PRDM16: variants seen among roughly 807,000 people sequenced by gnomAD.
PRDM16 encodes PR/SET domain 16.
PRDM16 carries 23 observed loss-of-function variants against 110.6 expected under a neutral mutation model. That is an observed-to-expected ratio of 0.21 (90% CI 0.15 to 0.29). The LOEUF is 0.29. Among genes scored for constraint, PRDM16 ranks in the 10% least tolerant of loss-of-function variants. PRDM16 has a pLI of 1.00. For missense variants in PRDM16, 1,615 were observed against 1,794.3 expected (o/e 0.90, Z 1.81); for synonymous variants, 799 against 781.8 (o/e 1.02, Z -0.37).
chr1:3,352,126 G>A (rs116707127), intron 3 of PRDM16, among the ~76,000 whole-genome samples: 124 of 152,246 alleles, frequency 8.1e-4, no homozygotes, highest in African/African-American at 2.8e-3. Flanking sequence ...CTGGCACACC[G>A]GTGCATGGTC....
intron 1 of PRDM16, among the ~76,000 whole-genome samples, chr1:3,086,137 C>T (rs1642145927): frequency 7.1e-6 from 1 of 141,184 alleles, no homozygotes; most frequent in Non-Finnish European, 1.6e-5. Context: ...TCTGTCTACA[C>T]ACTCCAGGTC....
In PRDM16 at chr1:3,081,894, G is replaced by A. The variant is rs1642037509; in HGVS notation, c.37+12598G>A. ...ATCCCTAGCTCCCCTCACAGACCCAGAGGCAGAGGCCTTCAGGGCCAGCAG... is the reference window on the plus strand; with the variant it reads ...ATCCCTAGCTCCCCTCACAGACCCAAAGGCAGAGGCCTTCAGGGCCAGCAG... On this transcript the variant is annotated intron_variant, in intron 1 of 16. Coordinates refer to ENST00000270722, the MANE Select transcript of PRDM16 (RefSeq NM_022114.4). The surrounding 1 kb of genome is among the most constrained non-coding windows in gnomAD (Gnocchi z 4.6). Among the ~76,000 whole-genome samples the A allele has an allele frequency of 6.6e-6, 1 of 152,206 alleles. No homozygotes were observed. The highest frequency in any genetic ancestry group is 2.4e-5 in the African/African-American group (1 of 41,462).
intron 3 of PRDM16, among the ~76,000 whole-genome samples, chr1:3,263,030 G>A (rs868562841): frequency 6.6e-6 from 1 of 152,124 alleles, no homozygotes. Flanking sequence ...ATGAGGCATC[G>A]CAGGGGCACC....
chr1:3,412,723 G>A lies in PRDM16; in HGVS notation c.2526G>A (p.Val842=). 3.3e-6 allele frequency: 5 copies of A among 1,505,770 alleles called. No individual in the cohort carries two copies. The highest frequency in any genetic ancestry group is 1.3e-5 in the South Asian group (1 of 77,114). 93.3% of individuals were successfully genotyped at this position (1,505,770 alleles called of 1,614,324 possible). A position where few individuals can be genotyped will look rare whatever the true frequency, so the allele number is the denominator to read the frequency against. The change falls in exon 9 of 17, where the codon GTG becomes GTA. Residue 842 remains valine, a synonymous_variant. Transcript: ENST00000270722. ...GCGCCGGCGAGGGGCTGCCCCAGGT[G>A]TGCCCGGCGCGGATGCCCCAGCAGC... ...KLGAGEGLPQ[V]CPARMPQQPP... is the part of the protein sequence containing the mutation.
In PRDM16 at chr1:3,391,643, T is replaced by C. The variant is rs962665921; in HGVS notation, c.574-4848T>C. On this transcript the variant is annotated intron_variant, in intron 4 of 16. Coordinates refer to ENST00000270722, the MANE Select transcript of PRDM16 (RefSeq NM_022114.4). ...TCGCACACCACACAATAATAAAACTTAGGCTTAATAAAAATGCTTCAGCTA... is the reference window on the plus strand; with the variant it reads ...TCGCACACCACACAATAATAAAACTCAGGCTTAATAAAAATGCTTCAGCTA... Among the ~76,000 whole-genome samples the C allele has an allele frequency of 3.9e-5, 6 of 152,316 alleles. No homozygotes were observed. In the East Asian group the frequency reaches 7.7e-4, roughly 20 times the overall value.
intron 3 of PRDM16, among the ~76,000 whole-genome samples, chr1:3,329,370 C>G (rs1641994741): frequency 6.6e-6 from 1 of 152,192 alleles, no homozygotes; most frequent in Non-Finnish European, 1.5e-5. Context: ...CACCACCCCC[C>G]ACCCCTTCCC....
intron 3 of PRDM16, among the ~76,000 whole-genome samples, chr1:3,249,064 A>G (rs115939244): frequency 0.078 from 11,840 of 152,314 alleles, 595 homozygotes; most frequent in Middle Eastern, 0.17. Context: ...GCAGTTTGTG[A>G]GCAGGATATA....
At chr1:3,279,361 G>A (rs1255412862) in intron 3 of PRDM16, among the ~76,000 whole-genome samples, 1 of 152,118 alleles carries the variant, frequency 6.6e-6, no homozygotes, top group Non-Finnish European at 1.5e-5. Flanking sequence ...GAGAGGAAGG[G>A]CGGGCCCTCG....
In PRDM16 at chr1:3,339,262, C is replaced by T. The variant is rs1272434150; in HGVS notation, c.439-45890C>T. Among the ~76,000 whole-genome samples, 2 of 152,068 alleles carry T rather than the reference C, an allele frequency of 1.3e-5. No homozygotes were observed. The highest frequency in any genetic ancestry group is 6.5e-5 in the Admixed American group (1 of 15,276). ...CGAGGGAGACAGCTCACCCACCCACCACAGTACCATCAAAGACAGACGTCC... is the reference window on the plus strand; with the variant it reads ...CGAGGGAGACAGCTCACCCACCCACTACAGTACCATCAAAGACAGACGTCC... On this transcript the variant is annotated intron_variant, in intron 3 of 16. Transcript: ENST00000270722. This position sits in a 1 kb window ranked among gnomAD's most constrained non-coding sequence, Gnocchi z 5.0.
In PRDM16 at chr1:3,081,761, C is replaced by A. The variant is rs970069538; in HGVS notation, c.37+12465C>A. The stretch of plus-strand genomic sequence containing the variant: ...GGCCACAGGGCACGTGGGAGGCCCC[C>A]ATGGAAGGCCCGTGTTGGGGGACCT... On this transcript the variant is annotated intron_variant, in intron 1 of 16. Transcript: ENST00000270722. This position sits in a 1 kb window ranked among gnomAD's most constrained non-coding sequence, Gnocchi z 4.6. 6.6e-6 allele frequency among the ~76,000 whole-genome samples: 1 copy of A among 152,048 alleles called. No individual in the cohort carries two copies. Among genetic ancestry groups the A allele is most frequent in the Non-Finnish European group, 1.5e-5 (1 of 67,990 alleles).
chr1:3,078,197 C>T (rs1641941718), intron 1 of PRDM16, among the ~76,000 whole-genome samples: 1 of 152,178 alleles, frequency 6.6e-6, no homozygotes, highest in Non-Finnish European at 1.5e-5. Context: ...TGGTGGGATT[C>T]CTGTGTGCCG....
intron 3 of PRDM16, among the ~76,000 whole-genome samples, chr1:3,301,031 A>C (rs981277122): frequency 3.9e-5 from 6 of 152,190 alleles, no homozygotes; most frequent in Non-Finnish European, 5.9e-5. Flanking sequence ...ACATGAAGTG[A>C]GGTTCAAGAA....
At chr1:3,233,038 G>A (rs1428241027) in intron 2 of PRDM16, among the ~76,000 whole-genome samples, 1 of 152,210 alleles carries the variant, frequency 6.6e-6, no homozygotes, top group Non-Finnish European at 1.5e-5. Flanking sequence ...ACTAAAAAGG[G>A]TTGAGATAAA....
chr1:3,257,736 G>A (rs992744565), intron 3 of PRDM16, among the ~76,000 whole-genome samples: 5 of 152,134 alleles, frequency 3.3e-5, no homozygotes, highest in African/African-American at 7.2e-5. Flanking sequence ...GCAGGCTGGC[G>A]TTTGAAGACA....
At chr1:3,316,287 G>A (rs959133742) in intron 3 of PRDM16, among the ~76,000 whole-genome samples, 2 of 143,002 alleles carry the variant, frequency 1.4e-5, no homozygotes, top group Admixed American at 6.9e-5. Context: ...GGTGGGGGTG[G>A]GGGTGGGGGT....
In PRDM16 at chr1:3,280,771, G is replaced by A. The variant is rs555995526; in HGVS notation, c.438+36634G>A. Among the ~76,000 whole-genome samples, 8 of 152,360 alleles carry A rather than the reference G, an allele frequency of 5.3e-5. No individual in the cohort carries two copies. The South Asian group carries it at 1.7e-3, about 32-fold the overall frequency. On this transcript the variant is annotated intron_variant, in intron 3 of 16. Transcript: ENST00000270722. The stretch of plus-strand genomic sequence containing the variant: ...CCGTTCCTAGGTGAAGTGAGAAGCA[G>A]GCTAGACTGGCCGTCCCGGGCCATA...
chr1:3,127,174 G>T (rs1643226470), intron 1 of PRDM16, among the ~76,000 whole-genome samples: 1 of 152,256 alleles, frequency 6.6e-6, no homozygotes, highest in Admixed American at 6.5e-5. Flanking sequence ...TTTCAGCACT[G>T]TGCTTTCTAA....
intron 3 of PRDM16, among the ~76,000 whole-genome samples, chr1:3,342,020 C>T (rs1291599516): frequency 2.0e-5 from 3 of 152,170 alleles, no homozygotes; most frequent in Admixed American, 6.5e-5. Context: ...TGGGAAAGAC[C>T]ATGATTGAGG....
chr1:3,393,675 G>A (rs1336259875), intron 4 of PRDM16, among the ~76,000 whole-genome samples: 1 of 152,200 alleles, frequency 6.6e-6, no homozygotes. Context: ...CGTTCTCGGC[G>A]CGTCTGGCTG....
Sources: allele counts gnomAD v4.1 joint callset (sites outside exome capture counted in the v4.1 genomes callset), GRCh38; gene constraint gnomAD v4.1.1; non-coding constraint Gnocchi (gnomAD v3.1); transcripts MANE v1.5; gene names NCBI Gene and HGNC (gene_info 2026-07-23, HGNC 2026-07-21).